Variants in DCLK1 observed in about 807,000 individuals in gnomAD.
The protein encoded by DCLK1 is serine/threonine-protein kinase DCLK1.
In DCLK1, 16 loss-of-function variants were observed where a neutral mutation model predicts 86.2. That is an observed-to-expected ratio of 0.19 (90% CI 0.13 to 0.28). The LOEUF is 0.28. Among genes scored for constraint, DCLK1 ranks in the 10% least tolerant of loss-of-function variants. DCLK1 has a pLI of 1.00. For synonymous variants in DCLK1, 369 were observed against 370.5 expected, an observed-to-expected ratio of 1.00 and a Z score of 0.05; for missense variants, 590 against 940.2, an observed-to-expected ratio of 0.63 and a Z score of 4.87.
chr13:35,931,757 T>C (rs976074484), intron 4 of DCLK1, among the ~76,000 whole-genome samples: 1 of 152,232 alleles, frequency 6.6e-6, no homozygotes, highest in Admixed American at 6.5e-5. Context: ...CAGCATCTGA[T>C]GATTGACAGA....
At chr13:36,032,188 C>G (rs1882310092) in intron 3 of DCLK1, among the ~76,000 whole-genome samples, 1 of 151,004 alleles carries the variant, frequency 6.6e-6, no homozygotes, top group South Asian at 2.1e-4. Flanking sequence ...GTCGCCTAGG[C>G]AGGAGTGCAA....
intron 3 of DCLK1, among the ~76,000 whole-genome samples, chr13:36,003,680 AACT>A (rs1880821851): frequency 6.6e-6 from 1 of 152,222 alleles, no homozygotes; most frequent in African/African-American, 2.4e-5. Context: ...TTGATTGAAA[AACT>A]ACACAATATA....
rs534363637 is a variant in DCLK1 at position 35,832,017 on chromosome 13, G to T, written c.1230-3710C>A. Among the ~76,000 whole-genome samples, 309 of 152,274 alleles carry T rather than the reference G, an allele frequency of 2.0e-3. 2 individuals are homozygous for T. The highest frequency in any genetic ancestry group is 6.9e-3 in the African/African-American group (287 of 41,554). On this transcript the variant is annotated intron_variant, in intron 8 of 16. Coordinates refer to ENST00000360631, the MANE Select transcript of DCLK1 (RefSeq NM_001330071.2). Reference sequence around the variant, plus strand: ...CTTGTCAAAAAAAGAAATGGGCCAGGCATGGTGGTTCACACCTGTCGTCCC... The same window carrying T: ...CTTGTCAAAAAAAGAAATGGGCCAGTCATGGTGGTTCACACCTGTCGTCCC...
In DCLK1 at chr13:35,839,169, T is replaced by C; in HGVS notation, c.1043A>G (p.Gln348Arg). 6.3e-7 allele frequency: 1 copy of C among 1,579,722 alleles called. No individual in the cohort carries two copies. Among genetic ancestry groups the C allele is most frequent in the Non-Finnish European group, 8.6e-7 (1 of 1,162,330 alleles). Residue 348 changes from glutamine (Q) to arginine (R), a missense_variant, in exon 7 of 17, where the codon CAG (glutamine) becomes CGG (arginine). This residue lies in a region of DCLK1 where 63 missense variants were observed against 64.3 expected (regional missense o/e 0.98). Coordinates refer to ENST00000360631, the MANE Select transcript of DCLK1 (RefSeq NM_001330071.2). Reference protein sequence around the residue: ...PGSLRKQRSSQHGGSSTSLAS... With the variant: ...PGSLRKQRSSRHGGSSTSLAS... Reference sequence around the variant, plus strand: ...AAGTGACGTAGAGGAGCCGCCATGCTGAGAGCTCTGTAGGGGAACAGAAAC... The same window carrying C: ...AAGTGACGTAGAGGAGCCGCCATGCCGAGAGCTCTGTAGGGGAACAGAAAC...
intron 4 of DCLK1, among the ~76,000 whole-genome samples, chr13:35,907,339 T>C (rs1874743932): frequency 6.6e-6 from 1 of 152,058 alleles, no homozygotes; most frequent in South Asian, 2.1e-4. Context: ...ATTTAAATTT[T>C]TTTTGTAGAG....
chr13:35,926,944 G>T (rs1876157827), intron 4 of DCLK1, among the ~76,000 whole-genome samples: 1 of 152,188 alleles, frequency 6.6e-6, no homozygotes, highest in Non-Finnish European at 1.5e-5. Context: ...ACTGAATGGT[G>T]CAACTTCACA....
chr13:36,026,793 C>A (rs1317364755), intron 3 of DCLK1, among the ~76,000 whole-genome samples: 1 of 152,132 alleles, frequency 6.6e-6, no homozygotes, highest in Non-Finnish European at 1.5e-5. Context: ...CAGACACACT[C>A]TTAGTCAACA....
chr13:35,874,456 CT>C (rs1872480493), intron 4 of DCLK1, among the ~76,000 whole-genome samples: 2 of 151,990 alleles, frequency 1.3e-5, no homozygotes, highest in South Asian at 4.1e-4. Flanking sequence ...CAAATTCTGC[CT>C]TGTGATATTT....
chr13:36,063,985 CACTCTGACA>C (rs1234755147), intron 3 of DCLK1, among the ~76,000 whole-genome samples: 2 of 152,090 alleles, frequency 1.3e-5, no homozygotes, highest in South Asian at 2.1e-4. Context: ...TAGGTTTTGG[CACTCTGACA>C]ACTGTAATTA....
At chr13:35,827,599 A>G in intron 10 of DCLK1, 36 bp downstream of exon 10, 1 of 1,612,518 alleles carries the variant, frequency 6.2e-7, no homozygotes, top group Non-Finnish European at 8.5e-7. Flanking sequence ...GTGCGGTGCC[A>G]TCAATAAAGA....
At chr13:35,838,364 T>A (rs1016489654) in intron 7 of DCLK1, among the ~76,000 whole-genome samples, 1 of 152,202 alleles carries the variant, frequency 6.6e-6, no homozygotes, top group African/African-American at 2.4e-5. Context: ...GCAGATTCCT[T>A]AACAGTGGCT....
intron 5 of DCLK1, among the ~76,000 whole-genome samples, chr13:35,859,907 C>T (rs537260651): frequency 2.9e-4 from 44 of 152,310 alleles, no homozygotes; most frequent in Admixed American, 5.2e-4. Flanking sequence ...TTTGCAGTCG[C>T]GTTCCTAAAA....
chr13:35,788,331 A>C (rs955710643), intron 16 of DCLK1: 1 of 1,577,870 alleles, frequency 6.3e-7, no homozygotes, highest in African/African-American at 1.3e-5. Flanking sequence ...GCATTGTGCT[A>C]AAGAATTAAG....
chr13:35,825,042 G>A (rs969637304), intron 10 of DCLK1, among the ~76,000 whole-genome samples: 2 of 152,178 alleles, frequency 1.3e-5, no homozygotes, highest in African/African-American at 2.4e-5. Flanking sequence ...GGCAGCCTGC[G>A]TGTGCACCGC....
At chr13:35,964,645 T>TA (rs1185070817) in intron 3 of DCLK1, among the ~76,000 whole-genome samples, 1 of 152,190 alleles carries the variant, frequency 6.6e-6, no homozygotes, top group Non-Finnish European at 1.5e-5. Context: ...TTCCTACACA[T>TA]ACAAAAATCT....
chr13:35,884,882 G>T (rs2153117430), intron 4 of DCLK1, among the ~76,000 whole-genome samples: 1 of 152,192 alleles, frequency 6.6e-6, no homozygotes, highest in African/African-American at 2.4e-5. Context: ...ATTATAATAG[G>T]GTCCATTCTT....
At chr13:36,025,354 A>G (rs1881988955) in intron 3 of DCLK1, among the ~76,000 whole-genome samples, 1 of 152,238 alleles carries the variant, frequency 6.6e-6, no homozygotes, top group African/African-American at 2.4e-5. Flanking sequence ...ACAACCAGAC[A>G]CCCACATGTG....
intron 3 of DCLK1, among the ~76,000 whole-genome samples, chr13:36,095,048 C>A (rs1252526174): frequency 6.6e-6 from 1 of 152,136 alleles, no homozygotes; most frequent in Non-Finnish European, 1.5e-5. Flanking sequence ...CCCAGTTGAA[C>A]TGAACAATTT....
intron 10 of DCLK1, 23 bp downstream of exon 10, chr13:35,827,609 ACTT>A: frequency 1.9e-6 from 3 of 1,612,806 alleles, no homozygotes; most frequent in Non-Finnish European, 2.5e-6. Context: ...ATCAATAAAG[ACTT>A]ACTTTCTTTC....
Sources: allele counts gnomAD v4.1 joint callset (sites outside exome capture counted in the v4.1 genomes callset), GRCh38; gene constraint gnomAD v4.1.1; regional missense constraint gnomAD v4.1.1; transcripts MANE v1.5; gene names NCBI Gene and HGNC (gene_info 2026-07-23, HGNC 2026-07-21).